The following ACSL3 variants were observed in gnomAD, a reference collection of about 807,000 sequenced individuals.
The protein encoded by ACSL3 is fatty acid CoA ligase Acsl3.
Under a neutral mutation model 84.7 loss-of-function variants are expected in ACSL3, and 34 were observed. The ratio of observed to expected loss-of-function variants is 0.40; its 90% CI spans 0.31 to 0.53. The LOEUF is 0.53. Ranked by LOEUF, ACSL3 falls within the 20% of genes least tolerant of loss-of-function variation. The pLI, the probability that ACSL3 is intolerant of heterozygous loss-of-function variation, is 0.48. For synonymous variants in ACSL3, 315 were observed against 299.4 expected (o/e 1.05, Z -0.54); for missense variants, 680 against 873.1 (o/e 0.78, Z 2.79).
At chr2:222,932,553 T>C (rs1697060877) in intron 14 of ACSL3, among the ~76,000 whole-genome samples, 1 of 152,074 alleles carries the variant, frequency 6.6e-6, no homozygotes, top group African/African-American at 2.4e-5. Context: ...GGTCTCGAAC[T>C]CCTGACCTCA....
At chr2:222,877,317 TAA>T (rs1216158784) in intron 1 of ACSL3, among the ~76,000 whole-genome samples, 2 of 152,190 alleles carry the variant, frequency 1.3e-5, no homozygotes, top group African/African-American at 2.4e-5. Flanking sequence ...GGGTGTTTTT[TAA>T]AAGTTAGTTT....
chr2:222,867,411 A>T (rs939640649), intron 1 of ACSL3, among the ~76,000 whole-genome samples: 2 of 152,178 alleles, frequency 1.3e-5, no homozygotes, highest in African/African-American at 4.8e-5. Context: ...GGTGTTTATT[A>T]TTCCTATGTA....
At chr2:222,890,250 G>T (rs1368366149) in intron 2 of ACSL3, among the ~76,000 whole-genome samples, 1 of 152,186 alleles carries the variant, frequency 6.6e-6, no homozygotes, top group South Asian at 2.1e-4. Context: ...TGGGCTTTTG[G>T]GGGTGGGAAG....
At chr2:222,879,305 G>A (rs1220050994) in intron 1 of ACSL3, among the ~76,000 whole-genome samples, 2 of 152,234 alleles carry the variant, frequency 1.3e-5, no homozygotes, top group East Asian at 1.9e-4. Flanking sequence ...GGGACAGAGC[G>A]AGACTGTCTC....
In ACSL3 at chr2:222,865,804, G is replaced by GTGTT. The variant is rs1695121819; in HGVS notation, c.-207+4549_-207+4550insTTGT. Among the ~76,000 whole-genome samples the GTGTT allele has an allele frequency of 4.6e-5, 7 of 152,002 alleles. No homozygotes were observed. In the South Asian group the frequency reaches 1.3e-3, roughly 27 times the overall value. ...TTGATTTTGGATCCTCTGTGTGTGT[G>GTGTT]TGTGTGTGTGTGTGTGTGTGTACAC... On this transcript the variant is annotated intron_variant, in intron 1 of 16. Transcript: ENST00000357430.
chr2:222,875,831 GT>G (rs771519562), intron 1 of ACSL3, among the ~76,000 whole-genome samples: 3 of 151,682 alleles, frequency 2.0e-5, no homozygotes, highest in Admixed American at 6.6e-5. Context: ...TTATTGCTGG[GT>G]TTTTTTTGAT....
intron 1 of ACSL3, among the ~76,000 whole-genome samples, chr2:222,861,991 C>T (rs1311035199): frequency 6.6e-6 from 1 of 152,052 alleles, no homozygotes; most frequent in Non-Finnish European, 1.5e-5. Context: ...ATGGTTTTCG[C>T]AGGAAGTCTG....
rs577725421 is a variant in ACSL3 at position 222,943,952 on chromosome 2, A to G, written c.*2298A>G. On this transcript the variant is annotated 3_prime_UTR_variant, in exon 17 of 17. Transcript: ENST00000357430. ...TCTAAAAGAATGGTTCTTAAGAACT[A>G]TTGTTTACTGGGAATAAACTAAGCT... The G allele has an allele frequency of 6.6e-5, 10 of 152,246 alleles. No individual in the cohort carries two copies. Among genetic ancestry groups the G allele is most frequent in the Non-Finnish European group, 4.4e-5 (3 of 67,968 alleles). The allele number at this position is 152,246 out of a possible 1,614,324, so 9.4% of individuals were successfully genotyped here. A position where few individuals can be genotyped will look rare whatever the true frequency, so the allele number is the denominator to read the frequency against.
intron 4 of ACSL3, among the ~76,000 whole-genome samples, chr2:222,915,340 G>A (rs1388777266): frequency 6.6e-6 from 1 of 152,138 alleles, no homozygotes; most frequent in African/African-American, 2.4e-5. Context: ...AATTGCATGG[G>A]ACACTAGATG....
Position 222,942,902 on chromosome 2 carries a change from G to A in ACSL3, c.*1248G>A, listed in dbSNP as rs549815055. 4 of 127,758 alleles carry A rather than the reference G, an allele frequency of 3.1e-5. No homozygotes were observed. The highest frequency in any genetic ancestry group is 3.1e-4 in the African/African-American group (4 of 13,004). 7.9% of individuals were successfully genotyped at this position (127,758 alleles called of 1,614,324 possible). On this transcript the variant is annotated 3_prime_UTR_variant, in exon 17 of 17. Transcript: ENST00000357430. ...TATTTGTAATTCAGAAACCTTGCTTGTGTGATACATAGTCTCTTCATTTAT... is the reference window on the plus strand; with the variant it reads ...TATTTGTAATTCAGAAACCTTGCTTATGTGATACATAGTCTCTTCATTTAT...
At chr2:222,877,003 TAGG>T (rs1206762582) in intron 1 of ACSL3, among the ~76,000 whole-genome samples, 4 of 152,032 alleles carry the variant, frequency 2.6e-5, no homozygotes, top group Non-Finnish European at 4.4e-5. Flanking sequence ...TTTTCTGAGT[TAGG>T]AGGGGATTGG....
At position 222,941,770 on chromosome 2, in the gene ACSL3, C is replaced by G; in HGVS notation, c.*116C>G. On this transcript the variant is annotated 3_prime_UTR_variant, in exon 17 of 17. Coordinates refer to ENST00000357430, the MANE Select transcript of ACSL3 (RefSeq NM_004457.5). ...CATTCCTCATATTAAACTATTACTT[C>G]TCATGACGTCACCATTTTTAACTGA... 9.0e-7 allele frequency: 1 copy of G among 1,112,672 alleles called. No individual in the cohort carries two copies. The highest frequency in any genetic ancestry group is 1.2e-6 in the Non-Finnish European group (1 of 813,582). The allele number at this position is 1,112,672 out of a possible 1,614,324, so 68.9% of individuals were successfully genotyped here.
chr2:222,934,798 T>C, intron 16 of ACSL3, 111 bp downstream of exon 16: 1 of 1,179,724 alleles, frequency 8.5e-7, no homozygotes, highest in Non-Finnish European at 1.2e-6. Context: ...AGAAACCATT[T>C]CTACCGTTAG....
chr2:222,871,362 T>C (rs569441123), intron 1 of ACSL3, among the ~76,000 whole-genome samples: 31 of 152,066 alleles, frequency 2.0e-4, no homozygotes, highest in South Asian at 8.3e-4. Flanking sequence ...AGATGAGGGG[T>C]CATCTGGGTA....
intron 4 of ACSL3, among the ~76,000 whole-genome samples, chr2:222,911,400 G>A (rs1206976576): frequency 3.3e-5 from 5 of 152,112 alleles, no homozygotes; most frequent in African/African-American, 1.2e-4. Flanking sequence ...GAGAAATCGG[G>A]TAGTTATGAG....
chr2:222,869,725 A>C (rs1051850031), intron 1 of ACSL3, among the ~76,000 whole-genome samples: 1 of 152,140 alleles, frequency 6.6e-6, no homozygotes, highest in African/African-American at 2.4e-5. Context: ...AGGTATTCAC[A>C]TAGGATGTCC....
chr2:222,881,701 A>T lies in ACSL3; in HGVS notation c.-206-6129A>T, dbSNP rs561656380. 2.6e-5 allele frequency among the ~76,000 whole-genome samples: 4 copies of T among 152,238 alleles called. No homozygotes were observed. The East Asian group carries it at 7.7e-4, about 29-fold the overall frequency. ...CTAGCTAATTTTGTATTTTTAGTAG[A>T]GATGGGGTTTCACCATGTTGGCTAG... On this transcript the variant is annotated intron_variant, in intron 1 of 16. Transcript: ENST00000357430.
At chr2:222,937,599 C>G (rs1463017898) in intron 16 of ACSL3, among the ~76,000 whole-genome samples, 1 of 152,012 alleles carries the variant, frequency 6.6e-6, no homozygotes, top group African/African-American at 2.4e-5. Flanking sequence ...GTCTTAAAGT[C>G]TGTTTTATTT....
chr2:222,880,879 T>G (rs1003951761), intron 1 of ACSL3, among the ~76,000 whole-genome samples: 2 of 152,082 alleles, frequency 1.3e-5, no homozygotes, highest in Non-Finnish European at 2.9e-5. Flanking sequence ...ATTATTTACT[T>G]GGTATCGAAG....
Sources: allele counts gnomAD v4.1 joint callset (sites outside exome capture counted in the v4.1 genomes callset), GRCh38; gene constraint gnomAD v4.1.1; transcripts MANE v1.5; gene names NCBI Gene and HGNC (gene_info 2026-07-23, HGNC 2026-07-21).